The following SCN2A variants were observed in gnomAD, a reference collection of about 807,000 sequenced individuals.
SCN2A encodes sodium channel protein type 2 subunit alpha.
A neutral mutation model predicts 188.7 loss-of-function variants in SCN2A; 20 were observed. That is an observed-to-expected ratio of 0.11 (90% confidence interval 0.07 to 0.15). SCN2A has a LOEUF of 0.15. Among genes scored for constraint, SCN2A ranks in the 10% least tolerant of loss-of-function variants. SCN2A has a pLI of 1.00. For synonymous variants in SCN2A, 804 were observed against 833.1 expected, an observed-to-expected ratio of 0.97 and a Z score of 0.60; for missense variants, 1,278 against 2,445.0, an observed-to-expected ratio of 0.52 and a Z score of 10.07.
At chr2:165,344,399 G>GTCCTGTGTCCCTTCCTGTGTCCTGTGTC (rs1699461567) in intron 15 of SCN2A, among the ~76,000 whole-genome samples, 156 bp from the exon 16 acceptor site, 2 of 151,230 alleles carry the variant, frequency 1.3e-5, no homozygotes, top group Non-Finnish European at 2.9e-5. Context: ...GTGTCCATGT[G>GTCCTGTGTCCCTTCCTGTGTCCTGTGTC]ACTAACCTGC....
At position 165,366,046 on chromosome 2, in the gene SCN2A, CATT is replaced by C. The variant is rs140544031; in HGVS notation, c.3520+784_3520+786del. 1.9e-3 allele frequency among the ~76,000 whole-genome samples: 287 copies of C among 152,280 alleles called. 3 individuals are homozygous for C. The East Asian group carries it at 0.033, about 18-fold the overall frequency. ...TCTTGTCACTAAGTTTTACTTGTAT[CATT>C]GTTTCTCTATTCTTACAGCTTCATT... is the stretch of plus-strand genomic sequence containing the variant. On this transcript the variant is annotated intron_variant, in intron 18 of 26. Transcript: ENST00000375437.
chr2:165,301,218 C>T (rs1696790952), intron 3 of SCN2A, among the ~76,000 whole-genome samples: 1 of 152,028 alleles, frequency 6.6e-6, no homozygotes, highest in African/African-American at 2.4e-5. Context: ...GTTTGAGACA[C>T]CTATTAGACA....
chr2:165,261,612 G>A (rs896052466), intron 1 of SCN2A, among the ~76,000 whole-genome samples: 4 of 152,220 alleles, frequency 2.6e-5, no homozygotes, highest in African/African-American at 2.4e-5. Flanking sequence ...GTACACCAAT[G>A]AGTTGAGATC....
Position 165,373,329 on chromosome 2 carries a change from C to T in SCN2A, c.3954C>T (p.Ser1318=), listed in dbSNP as rs139507841. ...CTCTGAGGCCACTGAGAGCTTTGTCCCGGTTTGAAGGAATGAGGGTAAGAC... is the reference window on the plus strand; with the variant it reads ...CTCTGAGGCCACTGAGAGCTTTGTCTCGGTTTGAAGGAATGAGGGTAAGAC... ...LRALRPLRAL[S]RFEGMRVVVN... The change falls in exon 21 of 27, where the codon TCC becomes TCT. Residue 1318 remains serine, a synonymous_variant. Transcript: ENST00000375437. 6 of 1,613,032 alleles carry T rather than the reference C, an allele frequency of 3.7e-6. No homozygotes were observed. Among genetic ancestry groups the T allele is most frequent in the African/African-American group, 1.3e-5 (1 of 74,818 alleles).
intron 11 of SCN2A, among the ~76,000 whole-genome samples, chr2:165,319,658 T>C (rs1697968148): frequency 6.6e-6 from 1 of 152,092 alleles, no homozygotes; most frequent in Non-Finnish European, 1.5e-5. Context: ...ACACCTTACA[T>C]GGATGGTGGC....
intron 25 of SCN2A, among the ~76,000 whole-genome samples, chr2:165,386,383 G>T (rs1701874498): frequency 6.6e-6 from 1 of 152,056 alleles, no homozygotes; most frequent in African/African-American, 2.4e-5. Flanking sequence ...AGTATCGCTT[G>T]AACCCGGGAG....
chr2:165,330,583 A>C (rs1309696758), intron 13 of SCN2A, among the ~76,000 whole-genome samples: 3 of 152,168 alleles, frequency 2.0e-5, no homozygotes, highest in African/African-American at 4.8e-5. Context: ...TTATATATTT[A>C]AATACATTTA....
intron 25 of SCN2A, among the ~76,000 whole-genome samples, chr2:165,382,980 G>A (rs1346863464): frequency 1.3e-5 from 2 of 152,184 alleles, no homozygotes; most frequent in African/African-American, 2.4e-5. Flanking sequence ...TTTACCTGTA[G>A]TGGTAGGGGT....
intron 16 of SCN2A, among the ~76,000 whole-genome samples, chr2:165,350,512 G>A (rs10195827): frequency 0.32 from 37,437 of 117,986 alleles, 5,951 homozygotes; most frequent in Middle Eastern, 0.55. Flanking sequence ...TCGCTCTGTC[G>A]CCCAGGCTGG....
chr2:165,303,270 G>GTTTTTTTTTTTTTTTTTTTT lies in SCN2A; in HGVS notation c.387-4574_387-4555dup, dbSNP rs71028477. ...TTGTATTTGAGTTTTTGTTATTTGAGTTTTTTTTTTTTTTTTTTTTTTTGA... is the reference window on the plus strand; with the variant it reads ...TTGTATTTGAGTTTTTGTTATTTGAGTTTTTTTTTTTTTTTTTTTTTTTTTTTTTTTTTTTTTTTTTTTGA... On this transcript the variant is annotated intron_variant, in intron 3 of 26. Transcript: ENST00000375437. 2.3e-4 allele frequency among the ~76,000 whole-genome samples: 21 copies of GTTTTTTTTTTTTTTTTTTTT among 91,314 alleles called. 2 individuals are homozygous for GTTTTTTTTTTTTTTTTTTTT. Among genetic ancestry groups the GTTTTTTTTTTTTTTTTTTTT allele is most frequent in the East Asian group, 1.9e-3 (5 of 2,674 alleles). The allele number at this position is 91,314 out of a possible 152,430, so 59.9% of individuals were successfully genotyped here.
chr2:165,377,100 C>A (rs1302502480), intron 22 of SCN2A, among the ~76,000 whole-genome samples: 2 of 151,926 alleles, frequency 1.3e-5, no homozygotes, highest in African/African-American at 4.8e-5. Context: ...AGAGTAATCA[C>A]CTCAAAATAG....
At chr2:165,316,561 AACAATT>A (rs1697760715) in intron 11 of SCN2A, among the ~76,000 whole-genome samples, 1 of 152,206 alleles carries the variant, frequency 6.6e-6, no homozygotes, top group African/African-American at 2.4e-5. Context: ...CAGTAACAAT[AACAATT>A]ACAACAACAA....
intron 1 of SCN2A, among the ~76,000 whole-genome samples, chr2:165,276,419 C>T (rs1695346817): frequency 6.6e-6 from 1 of 152,062 alleles, no homozygotes; most frequent in African/African-American, 2.4e-5. Context: ...AATGTCTGGA[C>T]ACATATTTTG....
At chr2:165,255,370 G>GC (rs1306824186) in intron 1 of SCN2A, among the ~76,000 whole-genome samples, 1 of 151,836 alleles carries the variant, frequency 6.6e-6, no homozygotes, top group Non-Finnish European at 1.5e-5. Context: ...TAAAAATATT[G>GC]TTTTTTCTTT....
At chr2:165,308,556 G>C (rs933514154) in intron 4 of SCN2A, 110 bp from the exon 5 acceptor site, 2 of 1,161,670 alleles carry the variant, frequency 1.7e-6, no homozygotes, top group Admixed American at 1.8e-5. Flanking sequence ...ATCGTAGGGG[G>C]ACCAACCTGG....
intron 23 of SCN2A, among the ~76,000 whole-genome samples, 186 bp downstream of exon 23, chr2:165,377,836 T>C (rs1039880785): frequency 6.6e-6 from 1 of 151,898 alleles, no homozygotes; most frequent in African/African-American, 2.4e-5. Flanking sequence ...TTTTCTCTAA[T>C]CACTCTGTAT....
At chr2:165,360,624 A>G (rs57112190) in intron 17 of SCN2A, among the ~76,000 whole-genome samples, 3,604 of 152,058 alleles carry the variant, frequency 0.024, 131 homozygotes, top group African/African-American at 0.08. Context: ...AAAATTGGCT[A>G]TTCCTATTTG....
At chr2:165,291,478 C>CT (rs1311398792) in intron 1 of SCN2A, among the ~76,000 whole-genome samples, 15 of 47,650 alleles carry the variant, frequency 3.1e-4, no homozygotes, top group Non-Finnish European at 4.7e-4. Context: ...TTCTTTCTTT[C>CT]TTTCTTTCTT....
chr2:165,270,699 G>T (rs1437655378), intron 1 of SCN2A: 1 of 152,036 alleles, frequency 6.6e-6, no homozygotes, highest in African/African-American at 2.4e-5. Flanking sequence ...TCCTGCTTGG[G>T]TTTGGGCCTT....
Sources: gnomAD v4.1 joint callset for allele counts (sites outside exome capture counted in the v4.1 genomes callset) on GRCh38, gnomAD v4.1.1 for gene constraint, MANE v1.5 for transcripts, NCBI Gene and HGNC (gene_info 2026-07-23, HGNC 2026-07-21) for gene names.